The following UBE2E1 variants were observed in gnomAD, a reference collection of about 807,000 sequenced individuals.
The protein encoded by UBE2E1 is ubiquitin-conjugating enzyme E2 E1.
A neutral mutation model predicts 21.4 loss-of-function variants in UBE2E1; 6 were observed. The observed-to-expected ratio is 0.28, with a 90% confidence interval of 0.15 to 0.55. The LOEUF is 0.55. UBE2E1 is among the 20% of genes least tolerant of loss of function. UBE2E1 has a pLI of 0.93. For missense variants in UBE2E1, 142 were observed against 236.5 expected, an observed-to-expected ratio of 0.60 and a Z score of 2.62; for synonymous variants, 87 against 82.7, an observed-to-expected ratio of 1.05 and a Z score of -0.28.
At chr3:23,817,667 G>A (rs1446018284) in intron 3 of UBE2E1, among the ~76,000 whole-genome samples, 2 of 152,142 alleles carry the variant, frequency 1.3e-5, no homozygotes, top group Admixed American at 6.6e-5. Flanking sequence ...CATGGAAGAG[G>A]TGAGAAGTGG....
Position 23,836,846 on chromosome 3 carries a change from A to G in UBE2E1, c.203+25336A>G, listed in dbSNP as rs1327099955. ...TCATTCTGCACACTATGATTGATCT[A>G]GTTTATGTTCTCTTTGTGCTAGATG... is the stretch of plus-strand genomic sequence containing the variant. On this transcript the variant is annotated intron_variant, in intron 3 of 5. Coordinates refer to ENST00000306627, the MANE Select transcript of UBE2E1 (RefSeq NM_003341.5). The surrounding 1 kb of genome is among the most constrained non-coding windows in gnomAD (Gnocchi z 4.1). Among the ~76,000 whole-genome samples, 1 of 152,334 alleles carries G rather than the reference A, an allele frequency of 6.6e-6. No homozygotes were observed. Among genetic ancestry groups the G allele is most frequent in the Admixed American group, 6.5e-5 (1 of 15,302 alleles).
Position 23,855,695 on chromosome 3 carries a change from T to C in UBE2E1, c.204-31872T>C, listed in dbSNP as rs367714508. Among the ~76,000 whole-genome samples, 126 of 152,006 alleles carry C rather than the reference T, an allele frequency of 8.3e-4. 1 individual carries two copies. Among genetic ancestry groups the C allele is most frequent in the African/African-American group, 2.9e-3 (119 of 41,484 alleles). ...ATACAAAAAAATTAGCTGGGCGTGG[T>C]GGTGGGCGCCTGTAGTCCCAGCTAC... On this transcript the variant is annotated intron_variant, in intron 3 of 5. Coordinates refer to ENST00000306627, the MANE Select transcript of UBE2E1 (RefSeq NM_003341.5).
At chr3:23,848,167 A>G (rs1700246902) in intron 3 of UBE2E1, among the ~76,000 whole-genome samples, 1 of 152,226 alleles carries the variant, frequency 6.6e-6, no homozygotes, top group Admixed American at 6.5e-5. Flanking sequence ...CTTTAAGGAA[A>G]AACGTATATT....
chr3:23,850,380 T>C (rs1252831000), intron 3 of UBE2E1, among the ~76,000 whole-genome samples: 1 of 152,102 alleles, frequency 6.6e-6, no homozygotes, highest in Admixed American at 6.5e-5. Context: ...TGTCTGTGGG[T>C]TGTCTTTTTA....
At chr3:23,826,007 G>A (rs1475708548) in intron 3 of UBE2E1, among the ~76,000 whole-genome samples, 5 of 152,150 alleles carry the variant, frequency 3.3e-5, no homozygotes, top group African/African-American at 4.8e-5. Flanking sequence ...GCACCTGTGA[G>A]TGGCCACTGT....
In UBE2E1 at chr3:23,823,508, C is replaced by A. The variant is rs1306872527; in HGVS notation, c.203+11998C>A. 6.6e-6 allele frequency among the ~76,000 whole-genome samples: 1 copy of A among 152,220 alleles called. No homozygotes were observed. Among genetic ancestry groups the A allele is most frequent in the Admixed American group, 6.5e-5 (1 of 15,276 alleles). ...TTTAAATTGTTCCTACTACCACTTACAACCTTTCCTCCTCTATGGGGGTAC... is the reference window on the plus strand; with the variant it reads ...TTTAAATTGTTCCTACTACCACTTAAAACCTTTCCTCCTCTATGGGGGTAC... On this transcript the variant is annotated intron_variant, in intron 3 of 5. Transcript: ENST00000306627. The surrounding 1 kb of genome is among the most constrained non-coding windows in gnomAD (Gnocchi z 4.2).
chr3:23,883,305 G>C (rs983121796), intron 3 of UBE2E1, among the ~76,000 whole-genome samples: 1 of 152,152 alleles, frequency 6.6e-6, no homozygotes, highest in Admixed American at 6.5e-5. Flanking sequence ...TGACCTGAGG[G>C]CAAACCTGGT....
At chr3:23,879,676 C>T (rs1322137380) in intron 3 of UBE2E1, among the ~76,000 whole-genome samples, 6 of 152,320 alleles carry the variant, frequency 3.9e-5, no homozygotes, top group South Asian at 2.1e-4. Flanking sequence ...AGGCCTGGGC[C>T]GCGGCGGAGG....
intron 3 of UBE2E1, among the ~76,000 whole-genome samples, chr3:23,815,530 T>A (rs1188499725): frequency 1.3e-5 from 2 of 152,248 alleles, no homozygotes; most frequent in Admixed American, 1.3e-4. Flanking sequence ...TTCCACGTAG[T>A]TTCTGTGAAT....
chr3:23,812,219 A>G (rs924969166), intron 3 of UBE2E1, among the ~76,000 whole-genome samples: 2 of 132,694 alleles, frequency 1.5e-5, no homozygotes, highest in Admixed American at 7.4e-5. Flanking sequence ...TAGATCAACA[A>G]TGAAGTGAGG....
chr3:23,814,193 T>C lies in UBE2E1; in HGVS notation c.203+2683T>C, dbSNP rs1025452163. ...GATTATTGCAAATCAGTAGAATTGC[T>C]CCTCTTGAAGGAAGGTGCACTGTTT... is the stretch of plus-strand genomic sequence containing the variant. On this transcript the variant is annotated intron_variant, in intron 3 of 5. Coordinates refer to ENST00000306627, the MANE Select transcript of UBE2E1 (RefSeq NM_003341.5). Among the ~76,000 whole-genome samples the C allele has an allele frequency of 3.9e-5, 6 of 152,278 alleles. 1 individual carries two copies. The highest frequency in any genetic ancestry group is 6.5e-5 in the Admixed American group (1 of 15,306).
intron 3 of UBE2E1, among the ~76,000 whole-genome samples, chr3:23,838,198 G>T (rs1700009308): frequency 6.6e-6 from 1 of 152,056 alleles, no homozygotes; most frequent in African/African-American, 2.4e-5. Flanking sequence ...CTCCTAAGTA[G>T]CTGGGACTAT....
intron 3 of UBE2E1, among the ~76,000 whole-genome samples, chr3:23,864,697 G>C (rs978800571): frequency 1.3e-5 from 2 of 152,090 alleles, no homozygotes; most frequent in Non-Finnish European, 2.9e-5. Flanking sequence ...TCTGTAGTTG[G>C]CTATCTTCTA....
At chr3:23,861,350 GT>G (rs1559487944) in intron 3 of UBE2E1, among the ~76,000 whole-genome samples, 1 of 152,164 alleles carries the variant, frequency 6.6e-6, no homozygotes, top group African/African-American at 2.4e-5. Flanking sequence ...TGTTTTCAGT[GT>G]TTGGAGTTAC....
rs1553636718 is a variant in UBE2E1 at position 23,831,533 on chromosome 3, T to TC, written c.203+20024dup. Among the ~76,000 whole-genome samples the TC allele has an allele frequency of 5.8e-4, 88 of 150,954 alleles. 1 individual carries two copies. Among genetic ancestry groups the TC allele is most frequent in the Non-Finnish European group, 1.2e-3 (78 of 67,634 alleles). ...AAAATGAATACTTTTTTTTTTTTTT[T>TC]CGAGACATGGTCCCACTCTGTTGCC... On this transcript the variant is annotated intron_variant, in intron 3 of 5. Coordinates refer to ENST00000306627, the MANE Select transcript of UBE2E1 (RefSeq NM_003341.5).
At chr3:23,877,770 T>A (rs567125351) in intron 3 of UBE2E1, among the ~76,000 whole-genome samples, 2 of 152,286 alleles carry the variant, frequency 1.3e-5, no homozygotes, top group South Asian at 4.1e-4. Flanking sequence ...TAATAAGCAG[T>A]CCGTGCCACA....
In UBE2E1 at chr3:23,868,590, A is replaced by T. The variant is rs1010878645; in HGVS notation, c.204-18977A>T. On this transcript the variant is annotated intron_variant, in intron 3 of 5. Transcript: ENST00000306627. Reference sequence around the variant, plus strand: ...CCAAAGTGCTGGGATTATAGCCATGAGTCACCATGCCTGGCCACTTTTACT... The same window carrying T: ...CCAAAGTGCTGGGATTATAGCCATGTGTCACCATGCCTGGCCACTTTTACT... Among the ~76,000 whole-genome samples the T allele has an allele frequency of 6.2e-4, 95 of 152,326 alleles. 1 individual carries two copies. Among genetic ancestry groups the T allele is most frequent in the African/African-American group, 2.1e-3 (88 of 41,576 alleles).
At chr3:23,832,480 A>G (rs1699890006) in intron 3 of UBE2E1, among the ~76,000 whole-genome samples, 1 of 152,288 alleles carries the variant, frequency 6.6e-6, no homozygotes, top group South Asian at 2.1e-4. Flanking sequence ...CCCCATCTCT[A>G]CTAAAAGTAC....
intron 3 of UBE2E1, among the ~76,000 whole-genome samples, chr3:23,839,418 C>T (rs1700038647): frequency 6.6e-6 from 1 of 151,922 alleles, no homozygotes; most frequent in South Asian, 2.1e-4. Context: ...GAGCCAAGAT[C>T]ACTCCACTGT....
Sources: allele counts gnomAD v4.1 joint callset (sites outside exome capture counted in the v4.1 genomes callset), GRCh38; gene constraint gnomAD v4.1.1; non-coding constraint Gnocchi (gnomAD v3.1); transcripts MANE v1.5; gene names NCBI Gene and HGNC (gene_info 2026-07-23, HGNC 2026-07-21).